Variants in IPO11 observed in about 807,000 individuals in gnomAD.
IPO11 encodes importin 11.
A neutral mutation model predicts 143.2 loss-of-function variants in IPO11; 66 were observed. The observed-to-expected ratio is 0.46, with a 90% confidence interval of 0.38 to 0.57. IPO11 has a LOEUF of 0.57. IPO11 is among the 20% of genes least tolerant of loss of function. The pLI is 0.00. For synonymous variants in IPO11, 385 were observed against 377.8 expected (o/e 1.02, Z -0.22); for missense variants, 1,026 against 1,141.0 (o/e 0.90, Z 1.45).
chr5:62,500,489 G>T (rs1021522012), intron 16 of IPO11, among the ~76,000 whole-genome samples: 2 of 151,968 alleles, frequency 1.3e-5, no homozygotes, highest in Admixed American at 6.6e-5. Context: ...GAACATAATT[G>T]TATGTACTAT....
intron 1 of IPO11, among the ~76,000 whole-genome samples, chr5:62,433,487 A>G (rs1744065368): frequency 6.6e-6 from 1 of 152,190 alleles, no homozygotes; most frequent in South Asian, 2.1e-4. Context: ...AATTTGTTTT[A>G]ACAATAAGAG....
intron 13 of IPO11, 70 bp from the exon 14 acceptor site, chr5:62,489,232 A>T: frequency 1.2e-6 from 1 of 851,148 alleles, no homozygotes; most frequent in Non-Finnish European, 1.7e-6. Context: ...AATTGTGTTT[A>T]AATATAAATT....
chr5:62,496,339 T>C (rs1741156834), intron 16 of IPO11, among the ~76,000 whole-genome samples: 1 of 151,788 alleles, frequency 6.6e-6, no homozygotes, highest in Non-Finnish European at 1.5e-5. Context: ...CTAGCCCACA[T>C]GACTAATACA....
rs1413614495 is a variant in IPO11 at position 62,494,109 on chromosome 5, A to G, written c.1575A>G (p.Gln525=). 1.2e-6 allele frequency: 2 copies of G among 1,611,232 alleles called. No individual in the cohort carries two copies. Among genetic ancestry groups the G allele is most frequent in the Non-Finnish European group, 1.7e-6 (2 of 1,178,906 alleles). ...ATGAAGCAATCTGTAACTTGCTTCA[A>G]GATCAAGATTTAGTGGTATGTTTCT... ...MLYEAICNLL[Q]DQDLVVRIET... Residue 525 remains glutamine, a synonymous_variant, in exon 16 of 30, where the codon CAA becomes CAG. Coordinates refer to ENST00000325324, the MANE Select transcript of IPO11 (RefSeq NM_016338.5).
intron 3 of IPO11, among the ~76,000 whole-genome samples, chr5:62,446,967 CAAA>C (rs1464155702): frequency 7.6e-6 from 1 of 131,830 alleles, no homozygotes; most frequent in Non-Finnish European, 1.7e-5. Context: ...ACTCTGACTG[CAAA>C]AAAAAAAAAA....
intron 1 of IPO11, among the ~76,000 whole-genome samples, chr5:62,436,389 AG>A (rs1744236281): frequency 6.6e-6 from 1 of 152,238 alleles, no homozygotes; most frequent in Non-Finnish European, 1.5e-5. Flanking sequence ...GTATCAATAC[AG>A]TACAACGCTA....
At chr5:62,426,914 A>T in intron 1 of IPO11, among the ~76,000 whole-genome samples, 1 of 140,024 alleles carries the variant, frequency 7.1e-6, no homozygotes, top group Admixed American at 7.3e-5. Flanking sequence ...TTCAAAATGC[A>T]CTTCTTTTTT....
intron 20 of IPO11, among the ~76,000 whole-genome samples, chr5:62,521,776 A>G (rs996334392): frequency 3.4e-5 from 5 of 147,456 alleles, no homozygotes; most frequent in African/African-American, 1.0e-4. Flanking sequence ...TTTCTAGGGA[A>G]TTTTCTCAGT....
intron 16 of IPO11, among the ~76,000 whole-genome samples, chr5:62,496,095 C>G (rs906129782): frequency 6.6e-6 from 1 of 152,052 alleles, no homozygotes; most frequent in Non-Finnish European, 1.5e-5. Flanking sequence ...TGAGACCAGC[C>G]TGGCCAGCAC....
chr5:62,568,660 T>C (rs938131698), intron 27 of IPO11, among the ~76,000 whole-genome samples: 3 of 151,924 alleles, frequency 2.0e-5, no homozygotes, highest in Admixed American at 1.3e-4. Context: ...TTTCTCGAAA[T>C]TTGTTGAGCT....
chr5:62,515,515 C>T lies in IPO11; in HGVS notation c.1896+14C>T. 1 of 1,527,584 alleles carries T rather than the reference C, an allele frequency of 6.5e-7. No homozygotes were observed. Among genetic ancestry groups the T allele is most frequent in the Non-Finnish European group, 8.9e-7 (1 of 1,126,086 alleles). 94.6% of individuals were successfully genotyped at this position (1,527,584 alleles called of 1,614,324 possible). A position where few individuals can be genotyped will look rare whatever the true frequency, so the allele number is the denominator to read the frequency against. Reference sequence around the variant, plus strand: ...CATCTTGTTCAGGTAAGTCACTTCTCCACAGAGTTTTTTTAGTTTAGTGGT... The same window carrying T: ...CATCTTGTTCAGGTAAGTCACTTCTTCACAGAGTTTTTTTAGTTTAGTGGT... On this transcript the variant is annotated intron_variant, in intron 20 of 29. Transcript: ENST00000325324.
intron 27 of IPO11, chr5:62,580,918 T>A: frequency 1.3e-6 from 2 of 1,551,352 alleles, no homozygotes; most frequent in Non-Finnish European, 1.7e-6. Context: ...TTCTGTTACC[T>A]TGAACTTGGA....
At chr5:62,421,841 A>G (rs999947822) in intron 1 of IPO11, among the ~76,000 whole-genome samples, 1 of 152,220 alleles carries the variant, frequency 6.6e-6, no homozygotes, top group East Asian at 1.9e-4. Flanking sequence ...TATAAATACA[A>G]TGACAGGCTG....
rs56062359 is a variant in IPO11, at chr5:62,584,612, CAAAAAAAAAA to C, written c.2583-6948_2583-6939del. Among the ~76,000 whole-genome samples the C allele has an allele frequency of 1.8e-3, 106 of 58,662 alleles. 1 individual carries two copies. Among genetic ancestry groups the C allele is most frequent in the Non-Finnish European group, 2.9e-3 (98 of 33,676 alleles). 38.5% of individuals were successfully genotyped at this position (58,662 alleles called of 152,430 possible). On this transcript the variant is annotated intron_variant, in intron 27 of 29. Coordinates refer to ENST00000325324, the MANE Select transcript of IPO11 (RefSeq NM_016338.5). Reference sequence around the variant, plus strand: ...TGGATGACAGAGCAAAACTGTGCCTCAAAAAAAAAAAAAAAAAAAAAAAAAAGGAAATAGG... The same window carrying C: ...TGGATGACAGAGCAAAACTGTGCCTCAAAAAAAAAAAAAAAAGGAAATAGG...
intron 29 of IPO11, among the ~76,000 whole-genome samples, chr5:62,617,576 A>G (rs950045438): frequency 6.6e-6 from 1 of 152,126 alleles, no homozygotes; most frequent in Non-Finnish European, 1.5e-5. Flanking sequence ...TAGCCATTTT[A>G]CTTTAATGAC....
At chr5:62,533,716 G>A (rs1321292471) in intron 22 of IPO11, among the ~76,000 whole-genome samples, 1 of 152,026 alleles carries the variant, frequency 6.6e-6, no homozygotes, top group East Asian at 1.9e-4. Flanking sequence ...AGTTGCAGTG[G>A]CTCATGCCTG....
chr5:62,480,982 C>G (rs1439231997), intron 9 of IPO11, among the ~76,000 whole-genome samples: 1 of 120,732 alleles, frequency 8.3e-6, no homozygotes, highest in African/African-American at 3.3e-5. Context: ...GTGGCGTGAT[C>G]TTGGGTCACT....
At chr5:62,530,665 A>G in intron 21 of IPO11, 44 bp from the exon 22 acceptor site, 1 of 1,234,122 alleles carries the variant, frequency 8.1e-7, no homozygotes, top group Non-Finnish European at 1.2e-6. Context: ...TAATGGCTTT[A>G]ATGGGCATGG....
intron 3 of IPO11, among the ~76,000 whole-genome samples, chr5:62,445,998 A>G (rs1364640575): frequency 1.3e-5 from 2 of 152,206 alleles, no homozygotes; most frequent in African/African-American, 2.4e-5. Context: ...AGGAGAACAC[A>G]TTATGTCAGG....
Sources: allele counts gnomAD v4.1 joint callset (sites outside exome capture counted in the v4.1 genomes callset), GRCh38; gene constraint gnomAD v4.1.1; transcripts MANE v1.5; gene names NCBI Gene and HGNC (gene_info 2026-07-23, HGNC 2026-07-21).